LRBA: variants seen among roughly 807,000 people sequenced by gnomAD.
LRBA encodes the protein lipopolysaccharide-responsive and beige-like anchor protein.
A neutral mutation model predicts 330.0 loss-of-function variants in LRBA; 176 were observed. The ratio of observed to expected loss-of-function variants is 0.53; its 90% confidence interval spans 0.47 to 0.60. The LOEUF (loss-of-function observed/expected upper bound fraction) is 0.60, where lower values mean the gene tolerates loss of function less well. LRBA is among the 20% of genes least tolerant of loss of function. The probability of loss-of-function intolerance (pLI) is 0.00; values close to 1 mark genes in which losing one functional copy is unlikely to be tolerated. For synonymous variants in LRBA, 1,230 were observed against 1,193.0 expected (o/e 1.03, Z -0.64); for missense variants, 3,259 against 3,444.8 (o/e 0.95, Z 1.35).
intron 47 of LRBA, among the ~76,000 whole-genome samples, chr4:150,388,243 C>A (rs1410027090): frequency 6.6e-6 from 1 of 152,230 alleles, no homozygotes; most frequent in Admixed American, 6.5e-5. Flanking sequence ...TAACCTTAAT[C>A]ACTTCCTTAA....
At chr4:150,452,138 A>G (rs984324735) in intron 44 of LRBA, among the ~76,000 whole-genome samples, 2 of 152,200 alleles carry the variant, frequency 1.3e-5, no homozygotes, top group Non-Finnish European at 2.9e-5. Context: ...TCCTTTGGGA[A>G]CATATATGCA....
At chr4:150,614,992 C>T (rs542380093) in intron 37 of LRBA, among the ~76,000 whole-genome samples, 36 of 152,342 alleles carry the variant, frequency 2.4e-4, no homozygotes, top group Admixed American at 6.5e-4. Context: ...AACATGTTAA[C>T]ATCTCAAGTA....
intron 2 of LRBA, among the ~76,000 whole-genome samples, chr4:150,945,545 T>C (rs1232784813): frequency 6.6e-6 from 1 of 152,214 alleles, no homozygotes; most frequent in Non-Finnish European, 1.5e-5. Context: ...GCCTAGGTAG[T>C]TGCCAAAACA....
intron 37 of LRBA, among the ~76,000 whole-genome samples, chr4:150,668,575 A>G (rs941347668): frequency 6.6e-6 from 1 of 152,234 alleles, no homozygotes; most frequent in Non-Finnish European, 1.5e-5. Flanking sequence ...TATCATCTAT[A>G]GTTACCATCT....
intron 40 of LRBA, among the ~76,000 whole-genome samples, chr4:150,549,117 T>C (rs1766235263): frequency 6.6e-6 from 1 of 152,004 alleles, no homozygotes. Flanking sequence ...TTCTAAGATA[T>C]ATTTAATACT....
At chr4:150,672,556 ATAATT>A (rs1341643522) in intron 37 of LRBA, among the ~76,000 whole-genome samples, 1 of 152,020 alleles carries the variant, frequency 6.6e-6, no homozygotes, top group African/African-American at 2.4e-5. Context: ...TAAAGTTATT[ATAATT>A]TATTTTTTTT....
intron 48 of LRBA, among the ~76,000 whole-genome samples, chr4:150,347,945 C>A (rs1736619333): frequency 6.6e-6 from 1 of 151,928 alleles, no homozygotes; most frequent in Non-Finnish European, 1.5e-5. Context: ...CTGTACAATG[C>A]TGTAGCCTCT....
At chr4:150,477,691 C>T (rs970255451) in intron 42 of LRBA, among the ~76,000 whole-genome samples, 2 of 151,916 alleles carry the variant, frequency 1.3e-5, no homozygotes, top group Admixed American at 1.3e-4. Flanking sequence ...GGTAAATTTC[C>T]CCCTTGCTGT....
At chr4:150,978,012 T>C (rs1170311940) in intron 2 of LRBA, among the ~76,000 whole-genome samples, 1 of 152,220 alleles carries the variant, frequency 6.6e-6, no homozygotes, top group African/African-American at 2.4e-5. Flanking sequence ...CAACTGCTGA[T>C]GGTAGAGCCC....
intron 40 of LRBA, among the ~76,000 whole-genome samples, chr4:150,495,245 C>T (rs1759451110): frequency 6.6e-6 from 1 of 152,062 alleles, no homozygotes; most frequent in Admixed American, 6.5e-5. Flanking sequence ...ATTATTAGTA[C>T]ACATATATCC....
intron 8 of LRBA, among the ~76,000 whole-genome samples, chr4:150,914,763 G>A (rs973724676): frequency 1.3e-5 from 2 of 152,066 alleles, no homozygotes; most frequent in Non-Finnish European, 2.9e-5. Context: ...GAAAAAACAG[G>A]TTACAAAACA....
At chr4:150,270,389 A>G (rs1745914758) in intron 56 of LRBA, among the ~76,000 whole-genome samples, 1 of 152,256 alleles carries the variant, frequency 6.6e-6, no homozygotes, top group African/African-American at 2.4e-5. Flanking sequence ...GTGCTACGAC[A>G]TGCAAGAACC....
chr4:150,785,271 T>G (rs1738882294), intron 34 of LRBA, among the ~76,000 whole-genome samples: 2 of 152,150 alleles, frequency 1.3e-5, no homozygotes, highest in Admixed American at 1.3e-4. Context: ...GGCCATCTGG[T>G]TGTCAGAAAT....
chr4:150,744,780 T>C (rs184631560), intron 35 of LRBA, among the ~76,000 whole-genome samples: 1 of 152,318 alleles, frequency 6.6e-6, no homozygotes, highest in Admixed American at 6.5e-5. Context: ...CTTTAAATGA[T>C]CCCAACCCCT....
intron 11 of LRBA, among the ~76,000 whole-genome samples, chr4:150,907,231 G>T (rs1043744699): frequency 9.3e-6 from 1 of 107,242 alleles, no homozygotes; most frequent in Admixed American, 9.4e-5. Flanking sequence ...ACGGGGGGAG[G>T]GGGGAGGGAG....
chr4:150,763,136 A>G (rs1309186597), intron 34 of LRBA, among the ~76,000 whole-genome samples: 1 of 152,054 alleles, frequency 6.6e-6, no homozygotes, highest in Non-Finnish European at 1.5e-5. Context: ...TAAAAATTAA[A>G]TAGAAAATCA....
chr4:150,732,355 TTAA>T (rs1730561657), intron 36 of LRBA, among the ~76,000 whole-genome samples: 1 of 152,076 alleles, frequency 6.6e-6, no homozygotes, highest in Non-Finnish European at 1.5e-5. Flanking sequence ...ATGTAATTTT[TTAA>T]TAGCTATGAC....
At chr4:150,991,409 C>G (rs972511068) in intron 2 of LRBA, among the ~76,000 whole-genome samples, 24 of 152,224 alleles carry the variant, frequency 1.6e-4, no homozygotes, top group African/African-American at 5.1e-4. Flanking sequence ...TTTGGGGCAA[C>G]TTACCCAAAG....
rs563911318 is a variant in LRBA at position 150,828,578 on chromosome 4, C to T, written c.4773G>A (p.Val1591=). 3.7e-6 allele frequency: 6 copies of T among 1,614,028 alleles called. No individual in the cohort carries two copies. The South Asian group carries it at 5.5e-5, about 15-fold the overall frequency. The change falls in exon 30 of 57, where the codon GTG becomes GTA. Residue 1591 remains valine (V), a synonymous_variant. Coordinates refer to ENST00000651943, the MANE Select transcript of LRBA (RefSeq NM_001364905.1). ...AAFSTLTTAS[V]EESESTSSAR... is the part of the protein sequence containing the mutation. ...CAGATGATGTGCTTTCAGATTCTTC[C>T]ACTGATGCCGTAGTTAAAGTGCTGA...
Sources: allele counts gnomAD v4.1 joint callset (sites outside exome capture counted in the v4.1 genomes callset), GRCh38; gene constraint gnomAD v4.1.1; transcripts MANE v1.5; gene names NCBI Gene and HGNC (gene_info 2026-07-23, HGNC 2026-07-21).